Variants in PTPRD observed in about 807,000 individuals in gnomAD.
PTPRD encodes protein tyrosine phosphatase receptor type D.
Under a neutral mutation model 214.5 loss-of-function variants are expected in PTPRD, and 34 were observed. That is an observed-to-expected ratio of 0.16 (90% CI 0.12 to 0.21). PTPRD has a LOEUF of 0.21. Ranked by LOEUF, PTPRD falls within the 10% of genes least tolerant of loss-of-function variation. The probability of loss-of-function intolerance (pLI) is 1.00; values close to 1 mark genes in which losing one functional copy is unlikely to be tolerated. For synonymous variants in PTPRD, 1,128 were observed against 845.7 expected, an observed-to-expected ratio of 1.33 and a Z score of -5.79; for missense variants, 2,545 against 2,398.7, an observed-to-expected ratio of 1.06 and a Z score of -1.27.
intron 10 of PTPRD, among the ~76,000 whole-genome samples, chr9:9,166,798 T>C (rs2099905107): frequency 6.6e-6 from 1 of 152,018 alleles, no homozygotes; most frequent in Non-Finnish European, 1.5e-5. Flanking sequence ...AAAGAAATCT[T>C]CAAAACCCCT....
At chr9:8,499,923 G>T (rs192250641) in intron 24 of PTPRD, 83 bp from the exon 25 acceptor site, 48 of 1,243,434 alleles carry the variant, frequency 3.9e-5, no homozygotes, top group Admixed American at 1.4e-4. Flanking sequence ...CTTTACTTAG[G>T]TTTCTCTTTC....
At chr9:9,698,650 G>C (rs547352549) in intron 7 of PTPRD, among the ~76,000 whole-genome samples, 1 of 152,238 alleles carries the variant, frequency 6.6e-6, no homozygotes, top group South Asian at 2.1e-4. Flanking sequence ...GGATATTTCT[G>C]CCTTCACGCC....
intron 40 of PTPRD, 41 bp downstream of exon 40, chr9:8,341,652 T>A (rs1219838301): frequency 1.9e-6 from 3 of 1,597,628 alleles, no homozygotes; most frequent in Non-Finnish European, 2.6e-6. Context: ...AAACCCAGAA[T>A]GACTTGCTCC....
intron 11 of PTPRD, among the ~76,000 whole-genome samples, chr9:8,735,206 C>G (rs1389408594): frequency 7.0e-6 from 1 of 143,620 alleles, no homozygotes; most frequent in African/African-American, 2.6e-5. Context: ...TGCAGTGGTA[C>G]AATCACGGCT....
chr9:10,116,818 A>G (rs545675719), intron 3 of PTPRD, among the ~76,000 whole-genome samples: 2 of 152,102 alleles, frequency 1.3e-5, no homozygotes, highest in East Asian at 3.9e-4. Context: ...TCTGTTTCTC[A>G]AACATATTAA....
chr9:10,487,846 T>A (rs1463052621), intron 2 of PTPRD, among the ~76,000 whole-genome samples: 2 of 151,786 alleles, frequency 1.3e-5, no homozygotes, highest in African/African-American at 4.8e-5. Flanking sequence ...TTTTTTTTTT[T>A]TAAAAAGGAG....
intron 8 of PTPRD, among the ~76,000 whole-genome samples, chr9:9,552,058 T>C (rs2154282904): frequency 6.6e-6 from 1 of 152,162 alleles, no homozygotes; most frequent in Admixed American, 6.6e-5. Context: ...CTGAAGGGCT[T>C]TCTAGGTGTC....
At chr9:8,348,744 C>A (rs796345728) in intron 39 of PTPRD, among the ~76,000 whole-genome samples, 1 of 152,186 alleles carries the variant, frequency 6.6e-6, no homozygotes, top group Admixed American at 6.6e-5. Flanking sequence ...CACCTCTGGG[C>A]GTTTGTGACG....
At chr9:8,903,434 A>G (rs1330727971) in intron 11 of PTPRD, among the ~76,000 whole-genome samples, 1 of 152,146 alleles carries the variant, frequency 6.6e-6, no homozygotes, top group South Asian at 2.1e-4. Flanking sequence ...AAGTATTACC[A>G]TTCCTGCTAA....
At chr9:10,161,579 G>A (rs573638622) in intron 3 of PTPRD, among the ~76,000 whole-genome samples, 1 of 151,866 alleles carries the variant, frequency 6.6e-6, no homozygotes, top group South Asian at 2.1e-4. Context: ...TCGAAGACTT[G>A]AAACCCTGAA....
At chr9:9,832,359 C>G (rs1435125119) in intron 5 of PTPRD, among the ~76,000 whole-genome samples, 1 of 151,900 alleles carries the variant, frequency 6.6e-6, no homozygotes, top group Non-Finnish European at 1.5e-5. Flanking sequence ...AGATATGTAA[C>G]TGTGTATTTT....
intron 34 of PTPRD, among the ~76,000 whole-genome samples, chr9:8,446,385 T>C (rs962837814): frequency 2.0e-5 from 3 of 152,176 alleles, no homozygotes; most frequent in East Asian, 1.9e-4. Flanking sequence ...TTTGAGAAAG[T>C]AGAATTTATA....
At chr9:9,770,901 A>G (rs1005843297) in intron 5 of PTPRD, among the ~76,000 whole-genome samples, 6 of 152,162 alleles carry the variant, frequency 3.9e-5, no homozygotes, top group Non-Finnish European at 7.4e-5. Context: ...GTGCTTTAAA[A>G]GAGAGGTCTA....
At chr9:10,485,006 G>A (rs574123286) in intron 2 of PTPRD, among the ~76,000 whole-genome samples, 1 of 150,662 alleles carries the variant, frequency 6.6e-6, no homozygotes, top group South Asian at 2.1e-4. Context: ...TTAGATTTAA[G>A]TGTTTAATCA....
intron 5 of PTPRD, among the ~76,000 whole-genome samples, chr9:9,918,351 T>TTA (rs369295718): frequency 0.013 from 1,280 of 101,930 alleles, 17 homozygotes; most frequent in Non-Finnish European, 0.02. Flanking sequence ...ACCAAAGAGG[T>TTA]AAAAAAAAAA....
At chr9:8,415,855 T>C (rs905737699) in intron 35 of PTPRD, among the ~76,000 whole-genome samples, 3 of 151,842 alleles carry the variant, frequency 2.0e-5, no homozygotes, top group Non-Finnish European at 4.4e-5. Context: ...CTAATGCAAG[T>C]GAGGTTTCCA....
At chr9:8,760,514 A>G (rs189304976) in intron 11 of PTPRD, among the ~76,000 whole-genome samples, 5 of 152,004 alleles carry the variant, frequency 3.3e-5, no homozygotes, top group Admixed American at 6.6e-5. Flanking sequence ...ATTTCCTCAA[A>G]ATTTTTTTGA....
At chr9:10,224,751 C>T (rs1426808483) in intron 3 of PTPRD, among the ~76,000 whole-genome samples, 1 of 151,998 alleles carries the variant, frequency 6.6e-6, no homozygotes, top group South Asian at 2.1e-4. Context: ...AAGACCAACT[C>T]TCCTCTTCCT....
rs759186589 is a variant in PTPRD, at chr9:10,405,242, G to A, written c.-599-64225C>T. 3.0e-4 allele frequency among the ~76,000 whole-genome samples: 46 copies of A among 151,712 alleles called. 1 individual carries two copies. Among genetic ancestry groups the A allele is most frequent in the Middle Eastern group, 3.4e-3 (1 of 294 alleles). ...TATCTTAATAGAGAGAATTTTGCAG[G>A]AATCTAAAGCCTTCGAAAGCTACCA... On this transcript the variant is annotated intron_variant, in intron 2 of 45. Coordinates refer to ENST00000381196, the MANE Select transcript of PTPRD (RefSeq NM_002839.4).
Sources: allele counts gnomAD v4.1 joint callset (sites outside exome capture counted in the v4.1 genomes callset), GRCh38; gene constraint gnomAD v4.1.1; transcripts MANE v1.5; gene names NCBI Gene and HGNC (gene_info 2026-07-23, HGNC 2026-07-21).